The following SDCBP2 variants were observed in gnomAD, a reference collection of about 807,000 sequenced individuals.
SDCBP2 encodes syntenin-2.
SDCBP2 carries 28 observed loss-of-function variants against 30.7 expected under a neutral mutation model. The observed-to-expected ratio is 0.91, with a 90% CI of 0.68 to 1.25. The LOEUF (loss-of-function observed/expected upper bound fraction) is 1.25, where lower values mean the gene tolerates loss of function less well. Ranked by LOEUF, SDCBP2 falls within the 50% of genes most tolerant of loss-of-function variation. SDCBP2 has a pLI of 0.00. For synonymous variants in SDCBP2, 166 were observed against 157.3 expected, an observed-to-expected ratio of 1.06 and a Z score of -0.41; for missense variants, 399 against 379.0, an observed-to-expected ratio of 1.05 and a Z score of -0.44.
chr20:1,328,632 A>C (rs2088968070), intron 1 of SDCBP2, among the ~76,000 whole-genome samples: 1 of 152,202 alleles, frequency 6.6e-6, no homozygotes, highest in Non-Finnish European at 1.5e-5. Flanking sequence ...CCCCTGGCGC[A>C]GTTCCCCAGC....
Position 1,313,703 on chromosome 20 carries a change from A to G in SDCBP2, c.226-205T>C. ...GGGGGCGTCAAAGTCCATGCCCTTA[A>G]AAAGCCAGGAAAACGGGGAGGGAAG... On this transcript the variant is annotated intron_variant, in intron 4 of 8. Transcript: ENST00000360779. This position sits in a 1 kb window ranked among gnomAD's most constrained non-coding sequence, Gnocchi z 5.2. 1 of 1,319,602 alleles carries G rather than the reference A, an allele frequency of 7.6e-7. No homozygotes were observed. Among genetic ancestry groups the G allele is most frequent in the Non-Finnish European group, 9.7e-7 (1 of 1,030,504 alleles). 81.7% of individuals were successfully genotyped at this position (1,319,602 alleles called of 1,614,324 possible). A position where few individuals can be genotyped will look rare whatever the true frequency, so the allele number is the denominator to read the frequency against.
chr20:1,315,111 A>G (rs1451139025), intron 4 of SDCBP2, among the ~76,000 whole-genome samples: 2 of 152,294 alleles, frequency 1.3e-5, no homozygotes, highest in African/African-American at 2.4e-5. Flanking sequence ...TATTATATAT[A>G]GCTACAATAA....
Position 1,313,759 on chromosome 20 carries a change from T to C in SDCBP2, c.226-261A>G. ...AGGATACAGGAAGAGGCCCTTCATT[T>C]CCCAAGGGAAACTGGCATCAGGAAA... is the stretch of plus-strand genomic sequence containing the variant. On this transcript the variant is annotated intron_variant, in intron 4 of 8. Transcript: ENST00000360779. The surrounding 1 kb of genome is among the most constrained non-coding windows in gnomAD (Gnocchi z 5.2). 1 of 864,540 alleles carries C rather than the reference T, an allele frequency of 1.2e-6. No homozygotes were observed. The highest frequency in any genetic ancestry group is 3.8e-5 in the South Asian group (1 of 26,250). The allele number at this position is 864,540 out of a possible 1,614,324, so 53.6% of individuals were successfully genotyped here.
intron 1 of SDCBP2, among the ~76,000 whole-genome samples, 171 bp downstream of exon 1, chr20:1,328,914 C>G (rs1485530612): frequency 6.6e-6 from 1 of 152,116 alleles, no homozygotes; most frequent in Non-Finnish European, 1.5e-5. Context: ...GGGCTGGGAT[C>G]AGAAGAAGAA....
In SDCBP2 at chr20:1,313,532, C is replaced by T. The variant is rs1352975460; in HGVS notation, c.226-34G>A. 7.2e-6 allele frequency: 11 copies of T among 1,538,432 alleles called. No homozygotes were observed. Among genetic ancestry groups the T allele is most frequent in the Non-Finnish European group, 9.6e-6 (11 of 1,146,752 alleles). ...ACCAGGGGGCAGGGGGTCAGCCCGG[C>T]CCGTGGGGACCCTGTGCCTCAGGAG... is the stretch of plus-strand genomic sequence containing the variant. On this transcript the variant is annotated intron_variant, in intron 4 of 8. Coordinates refer to ENST00000360779, the MANE Select transcript of SDCBP2 (RefSeq NM_080489.5). This position sits in a 1 kb window ranked among gnomAD's most constrained non-coding sequence, Gnocchi z 5.2.
rs1194861733 is a variant in SDCBP2 at position 1,313,669 on chromosome 20, C to T, written c.226-171G>A. On this transcript the variant is annotated intron_variant, in intron 4 of 8. Transcript: ENST00000360779. This position sits in a 1 kb window ranked among gnomAD's most constrained non-coding sequence, Gnocchi z 5.2. ...GGGCGAGAGGAGACGTGGCTCCACG[C>T]GGCCACTAGGGGGCGTCAAAGTCCA... 14 of 1,362,220 alleles carry T rather than the reference C, an allele frequency of 1.0e-5. No individual in the cohort carries two copies. Among genetic ancestry groups the T allele is most frequent in the Non-Finnish European group, 1.3e-5 (14 of 1,059,422 alleles). 84.4% of individuals were successfully genotyped at this position (1,362,220 alleles called of 1,614,324 possible).
At chr20:1,319,303 T>C (rs1885877) in intron 3 of SDCBP2, among the ~76,000 whole-genome samples, 3,376 of 152,260 alleles carry the variant, frequency 0.022, 125 homozygotes, top group African/African-American at 0.077. Context: ...AGAGAAGCCA[T>C]AGCTTCCCTA....
At chr20:1,312,920 G>C in intron 5 of SDCBP2, 158 bp from the exon 6 acceptor site, 1 of 754,916 alleles carries the variant, frequency 1.3e-6, no homozygotes, top group Non-Finnish European at 2.1e-6. Context: ...ATTTACCGGG[G>C]AGGAAACACT....
At chr20:1,328,441 G>A (rs2088963806) in intron 1 of SDCBP2, among the ~76,000 whole-genome samples, 1 of 152,128 alleles carries the variant, frequency 6.6e-6, no homozygotes, top group African/African-American at 2.4e-5. Context: ...GCCACTGTAC[G>A]TGAAGCTGCC....
chr20:1,318,101 C>A, intron 4 of SDCBP2: 1 of 589,994 alleles, frequency 1.7e-6, no homozygotes, highest in South Asian at 1.5e-5. Flanking sequence ...TTCTCCATCC[C>A]CAAGGCTTGT....
At position 1,318,298 on chromosome 20, in the gene SDCBP2, G is replaced by A. The variant is rs1456916613; in HGVS notation, c.225+20C>T. 1.3e-6 allele frequency: 2 copies of A among 1,556,506 alleles called. No homozygotes were observed. Among genetic ancestry groups the A allele is most frequent in the African/African-American group, 2.7e-5 (2 of 73,764 alleles). ...ATTGGGAGGTTCTGCGCCCGCAGCA[G>A]GCAGAAGCCAAATACATACACTGTC... On this transcript the variant is annotated intron_variant, in intron 4 of 8. Transcript: ENST00000360779.
chr20:1,314,609 G>C lies in SDCBP2; in HGVS notation c.226-1111C>G, dbSNP rs369254687. On this transcript the variant is annotated intron_variant, in intron 4 of 8. Transcript: ENST00000360779. Reference sequence around the variant, plus strand: ...TCACTCAAAAAAAAAAAAAAAAAAAGAGGCCGAGCTCAGTGGCTCACTCCT... The same window carrying C: ...TCACTCAAAAAAAAAAAAAAAAAAACAGGCCGAGCTCAGTGGCTCACTCCT... 4.5e-4 allele frequency among the ~76,000 whole-genome samples: 21 copies of C among 46,868 alleles called. No individual in the cohort carries two copies. In the East Asian group the frequency reaches 0.012, roughly 26 times the overall value. 30.7% of individuals were successfully genotyped at this position (46,868 alleles called of 152,430 possible). A position where few individuals can be genotyped will look rare whatever the true frequency, so the allele number is the denominator to read the frequency against.
At chr20:1,319,082 C>A (rs746965762) in intron 3 of SDCBP2, among the ~76,000 whole-genome samples, 1 of 152,210 alleles carries the variant, frequency 6.6e-6, no homozygotes, top group South Asian at 2.1e-4. Flanking sequence ...CGCTATCTGC[C>A]GTCCACTTCT....
intron 1 of SDCBP2, chr20:1,322,537 C>T (rs1235920017): frequency 6.6e-6 from 1 of 152,172 alleles, no homozygotes; most frequent in Non-Finnish European, 1.5e-5. Context: ...AAACAAGGAC[C>T]AGAAGTCCCA....
chr20:1,314,170 C>T (rs920961219), intron 4 of SDCBP2, among the ~76,000 whole-genome samples: 3 of 152,144 alleles, frequency 2.0e-5, no homozygotes, highest in Non-Finnish European at 2.9e-5. Flanking sequence ...ATACTAACAA[C>T]GAACACATGT....
At position 1,310,860 on chromosome 20, in the gene SDCBP2, G is replaced by A. The variant is rs2088654676; in HGVS notation, c.764C>T (p.Ala255Val). The change falls in exon 8 of 9, where the codon GCT becomes GTT. Residue 255 changes from alanine (A) to valine (V), a missense_variant. Ala to Val is a moderately conservative substitution (Grantham distance 64, BLOSUM62 0). Transcript: ENST00000360779. ...DKKIMEILAT[A>V]GNVVTLTIIP... ...GATGGTCAGGGTGACAACGTTCCCAGCCGTGGCCAGAATCTCCATGATCTT... is the reference window on the plus strand; with the variant it reads ...GATGGTCAGGGTGACAACGTTCCCAACCGTGGCCAGAATCTCCATGATCTT... The A allele has an allele frequency of 1.9e-6, 3 of 1,613,940 alleles. No homozygotes were observed. The highest frequency in any genetic ancestry group is 2.2e-5 in the South Asian group (2 of 91,078).
chr20:1,314,772 C>A (rs991327802), intron 4 of SDCBP2, among the ~76,000 whole-genome samples: 1 of 151,862 alleles, frequency 6.6e-6, no homozygotes, highest in Non-Finnish European at 1.5e-5. Flanking sequence ...AAAACAAGAA[C>A]AACAAAAAGA....
At position 1,313,953 on chromosome 20, in the gene SDCBP2, G is replaced by A. The variant is rs973405418; in HGVS notation, c.226-455C>T. 4.6e-5 allele frequency among the ~76,000 whole-genome samples: 7 copies of A among 152,142 alleles called. No individual in the cohort carries two copies. Among genetic ancestry groups the A allele is most frequent in the Admixed American group, 4.6e-4 (7 of 15,276 alleles). Reference sequence around the variant, plus strand: ...CCCAACACTATTAAAGATGGTACTGGAAGACCTAGCCAGCACAGTAGGCAA... The same window carrying A: ...CCCAACACTATTAAAGATGGTACTGAAAGACCTAGCCAGCACAGTAGGCAA... On this transcript the variant is annotated intron_variant, in intron 4 of 8. Coordinates refer to ENST00000360779, the MANE Select transcript of SDCBP2 (RefSeq NM_080489.5). The surrounding 1 kb of genome is among the most constrained non-coding windows in gnomAD (Gnocchi z 5.2).
intron 1 of SDCBP2, among the ~76,000 whole-genome samples, chr20:1,328,844 G>C (rs144128054): frequency 2.8e-4 from 42 of 152,174 alleles, no homozygotes; most frequent in African/African-American, 9.6e-4. Flanking sequence ...AGAAGGCATC[G>C]GGGGCCCTCA....
Sources: gnomAD v4.1 joint callset for allele counts (sites outside exome capture counted in the v4.1 genomes callset) on GRCh38, gnomAD v4.1.1 for gene constraint, Gnocchi (gnomAD v3.1) non-coding constraint, MANE v1.5 for transcripts, NCBI Gene and HGNC (gene_info 2026-07-23, HGNC 2026-07-21) for gene names.